The following MAST4 variants were observed in gnomAD, a reference collection of about 807,000 sequenced individuals.
MAST4 encodes microtubule-associated serine/threonine-protein kinase 4.
In MAST4, 89 loss-of-function variants were observed where a neutral mutation model predicts 162.7. The ratio of observed to expected loss-of-function variants is 0.55; its 90% CI spans 0.46 to 0.65. The LOEUF is 0.65. MAST4 is among the 30% of genes least tolerant of loss of function. The pLI is 0.00. For synonymous variants in MAST4, 1,479 were observed against 1,361.1 expected, an observed-to-expected ratio of 1.09 and a Z score of -1.91; for missense variants, 3,153 against 3,374.0, an observed-to-expected ratio of 0.93 and a Z score of 1.62.
chr5:66,816,808 G>C (rs1245140141), intron 3 of MAST4, among the ~76,000 whole-genome samples: 2 of 152,166 alleles, frequency 1.3e-5, no homozygotes, highest in Non-Finnish European at 2.9e-5. Context: ...TTCTAAACTT[G>C]TCTGCACTTT....
At chr5:66,697,142 A>G (rs1429637001) in intron 1 of MAST4, among the ~76,000 whole-genome samples, 4 of 152,186 alleles carry the variant, frequency 2.6e-5, no homozygotes, top group Non-Finnish European at 4.4e-5. Context: ...AAGGAAAACA[A>G]CTGTACTTGT....
Position 66,883,420 on chromosome 5 carries a change from CTGT to C in MAST4, c.643-16529_643-16527del, listed in dbSNP as rs1483899401. ...AGGGCACAGTTGTGTTGTTCTGTCACTGTTTTTTTTTTTTTTTTTTTTTTTTTA... is the reference window on the plus strand; with the variant it reads ...AGGGCACAGTTGTGTTGTTCTGTCACTTTTTTTTTTTTTTTTTTTTTTTTA... On this transcript the variant is annotated intron_variant, in intron 3 of 28. Transcript: ENST00000403625. 3.6e-3 allele frequency among the ~76,000 whole-genome samples: 456 copies of C among 125,490 alleles called. 20 individuals carry two copies. The East Asian group carries it at 0.056, about 15-fold the overall frequency. The allele number at this position is 125,490 out of a possible 152,430, so 82.3% of individuals were successfully genotyped here. A position where few individuals can be genotyped will look rare whatever the true frequency, so the allele number is the denominator to read the frequency against.
chr5:66,609,929 A>G (rs1393455038), intron 1 of MAST4, among the ~76,000 whole-genome samples: 1 of 152,062 alleles, frequency 6.6e-6, no homozygotes, highest in Non-Finnish European at 1.5e-5. Context: ...GCCACTACAA[A>G]GTACCACACA....
At position 67,054,387 on chromosome 5, in the gene MAST4, T is replaced by A; in HGVS notation, c.675-17T>A. On this transcript the variant is annotated splice_polypyrimidine_tract_variant and intron_variant, in intron 4 of 28. Coordinates refer to ENST00000403625, the MANE Select transcript of MAST4 (RefSeq NM_001164664.2). ...CTATATTCTTTTTAAACTTTGTTTT[T>A]TCTTTCTTTTTGATAGTTGCCGAAC... 6.3e-7 allele frequency: 1 copy of A among 1,582,754 alleles called. No individual in the cohort carries two copies.
chr5:67,156,284 A>C (rs1041443856), intron 26 of MAST4, among the ~76,000 whole-genome samples: 1 of 152,160 alleles, frequency 6.6e-6, no homozygotes, highest in African/African-American at 2.4e-5. Context: ...GCTGGAAAGG[A>C]GTATAAGATG....
At chr5:66,677,502 G>A (rs889611324) in intron 1 of MAST4, among the ~76,000 whole-genome samples, 4 of 152,112 alleles carry the variant, frequency 2.6e-5, no homozygotes, top group African/African-American at 4.8e-5. Context: ...TTCAAAATGT[G>A]GTCAGCAACA....
At chr5:66,620,537 T>G (rs1744011068) in intron 1 of MAST4, among the ~76,000 whole-genome samples, 9 of 152,184 alleles carry the variant, frequency 5.9e-5, no homozygotes. Flanking sequence ...TGGCCTTTAG[T>G]AAAACAAAAC....
chr5:66,814,031 G>A (rs369645566), intron 3 of MAST4, among the ~76,000 whole-genome samples: 3 of 152,050 alleles, frequency 2.0e-5, no homozygotes, highest in South Asian at 2.1e-4. Context: ...CACCTGATCC[G>A]GGGGACCTGA....
At chr5:67,004,849 G>A in intron 4 of MAST4, 1 of 619,060 alleles carries the variant, frequency 1.6e-6, no homozygotes, top group Non-Finnish European at 2.9e-6. Context: ...TGAGATCACA[G>A]TTCCCATCAC....
intron 4 of MAST4, among the ~76,000 whole-genome samples, chr5:67,033,319 G>C (rs868749701): frequency 7.3e-6 from 1 of 137,518 alleles, no homozygotes; most frequent in African/African-American, 2.8e-5. Context: ...ATTTCTCTGT[G>C]TGTGTGTGTG....
intron 3 of MAST4, among the ~76,000 whole-genome samples, chr5:66,865,413 A>G (rs1249689669): frequency 4.7e-5 from 5 of 105,360 alleles, no homozygotes; most frequent in Non-Finnish European, 7.5e-5. Context: ...CAGTACACAA[A>G]TAGTTTTAAT....
chr5:66,825,667 T>G (rs903203836), intron 3 of MAST4, among the ~76,000 whole-genome samples: 1 of 152,214 alleles, frequency 6.6e-6, no homozygotes. Flanking sequence ...AAATTTAAAT[T>G]TGACCTTTAT....
intron 14 of MAST4, among the ~76,000 whole-genome samples, chr5:67,129,758 T>C (rs527545270): frequency 1.3e-5 from 2 of 151,816 alleles, no homozygotes; most frequent in Non-Finnish European, 2.9e-5. Context: ...AAAAGAAAAT[T>C]ATTGCTTTAG....
intron 3 of MAST4, among the ~76,000 whole-genome samples, chr5:66,819,637 G>T (rs1223233172): frequency 6.6e-6 from 1 of 152,084 alleles, no homozygotes; most frequent in Non-Finnish European, 1.5e-5. Context: ...ATTCCAGGGT[G>T]ACCAGCTTGG....
chr5:67,055,626 G>A (rs1581370909), intron 5 of MAST4, among the ~76,000 whole-genome samples: 1 of 152,156 alleles, frequency 6.6e-6, no homozygotes, highest in Non-Finnish European at 1.5e-5. Flanking sequence ...AAGTAAAAAG[G>A]TAAAAGATAG....
chr5:66,998,211 G>A (rs1228850081), intron 4 of MAST4, among the ~76,000 whole-genome samples: 1 of 152,140 alleles, frequency 6.6e-6, no homozygotes, highest in African/African-American at 2.4e-5. Context: ...TCTTATAATT[G>A]CACTATAATT....
At chr5:66,945,593 G>C (rs1455920516) in intron 4 of MAST4, among the ~76,000 whole-genome samples, 1 of 152,098 alleles carries the variant, frequency 6.6e-6, no homozygotes, top group East Asian at 1.9e-4. Flanking sequence ...CAGGGACAAG[G>C]AGAAGCGCAT....
At chr5:66,790,713 G>C (rs2149678794) in intron 3 of MAST4, among the ~76,000 whole-genome samples, 1 of 151,948 alleles carries the variant, frequency 6.6e-6, no homozygotes, top group East Asian at 2.0e-4. Flanking sequence ...CCTGGCTTGG[G>C]CTTATTTTTA....
intron 3 of MAST4, among the ~76,000 whole-genome samples, chr5:66,877,581 A>G (rs959021344): frequency 3.9e-5 from 6 of 152,186 alleles, no homozygotes; most frequent in African/African-American, 1.4e-4. Flanking sequence ...AGAGGTAGAA[A>G]TGCCTTCCAC....
Sources: allele counts gnomAD v4.1 joint callset (sites outside exome capture counted in the v4.1 genomes callset), GRCh38; gene constraint gnomAD v4.1.1; transcripts MANE v1.5; gene names NCBI Gene and HGNC (gene_info 2026-07-23, HGNC 2026-07-21).